Variants in CARS2 observed in about 807,000 individuals in gnomAD.
CARS2 encodes the protein probable cysteine--tRNA ligase, mitochondrial.
CARS2 carries 52 observed loss-of-function variants against 68.8 expected under a neutral mutation model. The observed-to-expected ratio is 0.76, with a 90% confidence interval of 0.61 to 0.95. The LOEUF is 0.95. CARS2 is among the 40% of genes least tolerant of loss of function. The pLI is 0.00. For synonymous variants in CARS2, 314 were observed against 303.6 expected (o/e 1.03, Z -0.36); for missense variants, 780 against 754.2 (o/e 1.03, Z -0.40).
chr13:110,705,982 G>C lies in CARS2; in HGVS notation c.112C>G (p.Arg38Gly). 1 of 1,507,476 alleles carries C rather than the reference G, an allele frequency of 6.6e-7. No homozygotes were observed. Among genetic ancestry groups the C allele is most frequent in the East Asian group, 2.7e-5 (1 of 37,654 alleles). The allele number at this position is 1,507,476 out of a possible 1,614,324, so 93.4% of individuals were successfully genotyped here. Residue 38 changes from arginine to glycine, a missense_variant, in exon 1 of 15, where the codon CGC (arginine) becomes GGC (glycine). Transcript: ENST00000257347. This position sits in a 1 kb window ranked among gnomAD's most constrained non-coding sequence, Gnocchi z 4.0. ...GTGGGCTGCAGCCAGGCCCGCCCGC[G>C]CCCCCCGCTCGCCGCCCGGCCCGCA... is the stretch of plus-strand genomic sequence containing the variant. ...WPAGRAASGG[R>G]GRAWLQPTGR... is the part of the protein sequence containing the mutation.
rs1010312039 is a variant in CARS2 at position 110,644,817 on chromosome 13, A to G, written c.1318-334T>C. 1.5e-5 allele frequency: 4 copies of G among 258,362 alleles called. No individual in the cohort carries two copies. The South Asian group carries it at 2.4e-4, about 16-fold the overall frequency. The allele number at this position is 258,362 out of a possible 1,614,324, so 16.0% of individuals were successfully genotyped here. ...GAGTGGGCACTGGGCTGGGTTTCTC[A>G]GAAAACGGGGAAATCCTGGTACGTG... On this transcript the variant is annotated intron_variant, in intron 12 of 14. Transcript: ENST00000257347.
intron 3 of CARS2, among the ~76,000 whole-genome samples, chr13:110,699,741 G>A (rs768076913): frequency 1.6e-4 from 25 of 152,374 alleles, no homozygotes; most frequent in Middle Eastern, 3.4e-3. Flanking sequence ...CATCAGAATG[G>A]CTTCTTTAGG....
chr13:110,711,950 C>T (rs569702742), intron 1 of CARS2, among the ~76,000 whole-genome samples: 4 of 152,320 alleles, frequency 2.6e-5, no homozygotes, highest in Non-Finnish European at 5.9e-5. Context: ...TTAAAAAATC[C>T]AAAGAGTTTT....
At chr13:110,701,359 C>T (rs762058511) in intron 3 of CARS2, 79 bp downstream of exon 3, 28 of 754,210 alleles carry the variant, frequency 3.7e-5, no homozygotes, top group Middle Eastern at 2.4e-4. Flanking sequence ...CTACCACGCC[C>T]GGCCAAGAAC....
chr13:110,700,113 C>T (rs7318291), intron 3 of CARS2, among the ~76,000 whole-genome samples: 40,454 of 152,138 alleles, frequency 0.27, 5,628 homozygotes, highest in Middle Eastern at 0.36. Flanking sequence ...ATGTGATCAC[C>T]TTAACCTCTT....
At chr13:110,663,339 GC>G in intron 9 of CARS2, 111 bp downstream of exon 9, 1 of 1,074,458 alleles carries the variant, frequency 9.3e-7, no homozygotes, top group Non-Finnish European at 1.3e-6. Flanking sequence ...TAAGAAAGGG[GC>G]CAGAGGGCAC....
At chr13:110,678,437 C>T (rs975078032) in intron 6 of CARS2, among the ~76,000 whole-genome samples, 1 of 152,126 alleles carries the variant, frequency 6.6e-6, no homozygotes, top group Non-Finnish European at 1.5e-5. Flanking sequence ...CCTTTCCACC[C>T]GGGAGCACTG....
chr13:110,672,149 A>C (rs1438689131), intron 7 of CARS2, among the ~76,000 whole-genome samples: 1 of 152,256 alleles, frequency 6.6e-6, no homozygotes, highest in Non-Finnish European at 1.5e-5. Flanking sequence ...AACATTAGAC[A>C]GATCAATGAG....
At position 110,686,694 on chromosome 13, in the gene CARS2, C is replaced by T. The variant is rs1199350829; in HGVS notation, c.571+1027G>A. Among the ~76,000 whole-genome samples, 4 of 150,474 alleles carry T rather than the reference C, an allele frequency of 2.7e-5. No individual in the cohort carries two copies. In the Admixed American group the frequency reaches 2.7e-4, roughly 10 times the overall value. ...GCCTCAGCCTCCAGAATAGCTGGGA[C>T]CACAGGCGCGCGATACCAGGCCTGG... On this transcript the variant is annotated intron_variant, in intron 5 of 14. Transcript: ENST00000257347.
At chr13:110,689,956 C>T (rs901934049) in intron 3 of CARS2, among the ~76,000 whole-genome samples, 8 of 152,210 alleles carry the variant, frequency 5.3e-5, no homozygotes, top group African/African-American at 1.9e-4. Flanking sequence ...TGGCCGGGCG[C>T]GGTGGCTCAC....
chr13:110,695,896 T>G (rs549700257), intron 3 of CARS2, among the ~76,000 whole-genome samples: 3 of 152,074 alleles, frequency 2.0e-5, no homozygotes, highest in Non-Finnish European at 4.4e-5. Flanking sequence ...TCATCTACAT[T>G]AGGTATTTCT....
intron 14 of CARS2, among the ~76,000 whole-genome samples, chr13:110,642,038 C>T (rs1887398909): frequency 6.6e-6 from 1 of 151,766 alleles, no homozygotes; most frequent in South Asian, 2.1e-4. Context: ...CCTGTCTCTA[C>T]TAAAAATAAA....
At chr13:110,689,700 C>T (rs1274034212) in intron 3 of CARS2, among the ~76,000 whole-genome samples, 1 of 152,134 alleles carries the variant, frequency 6.6e-6, no homozygotes, top group Non-Finnish European at 1.5e-5. Flanking sequence ...ACATAAATAT[C>T]ACATTAAAGA....
intron 2 of CARS2, among the ~76,000 whole-genome samples, chr13:110,702,227 A>G (rs1307192135): frequency 6.6e-6 from 1 of 152,216 alleles, no homozygotes; most frequent in Non-Finnish European, 1.5e-5. Flanking sequence ...GTTTTCTCTT[A>G]GGGTGGTGTG....
At chr13:110,646,992 G>A in intron 11 of CARS2, 109 bp downstream of exon 11, 2 of 1,331,830 alleles carry the variant, frequency 1.5e-6, no homozygotes, top group Admixed American at 2.6e-5. Context: ...CAAACCTCCT[G>A]TCCAGCGCCC....
rs773932062 is a variant in CARS2, at chr13:110,665,724, A to G, written c.919+1616T>C. 1 of 985,390 alleles carries G rather than the reference A, an allele frequency of 1.0e-6. No individual in the cohort carries two copies. The highest frequency in any genetic ancestry group is 1.2e-6 in the Non-Finnish European group (1 of 829,922). The allele number at this position is 985,390 out of a possible 1,614,324, so 61.0% of individuals were successfully genotyped here. A position where few individuals can be genotyped will look rare whatever the true frequency, so the allele number is the denominator to read the frequency against. ...AGACAGTTCAGGGAGCGCTGAACTG[A>G]GCCCTGAACGAAGTCAACGAGGAAG... On this transcript the variant is annotated intron_variant, in intron 8 of 14. Coordinates refer to ENST00000257347, the MANE Select transcript of CARS2 (RefSeq NM_024537.4). The surrounding 1 kb of genome is among the most constrained non-coding windows in gnomAD (Gnocchi z 4.3).
At position 110,653,851 on chromosome 13, in the gene CARS2, G is replaced by A. The variant is rs549449956; in HGVS notation, c.988-2751C>T. Among the ~76,000 whole-genome samples, 2 of 152,274 alleles carry A rather than the reference G, an allele frequency of 1.3e-5. No homozygotes were observed. The highest frequency in any genetic ancestry group is 2.1e-4 in the South Asian group (1 of 4,826). ...ACTCTTGAATACTGTGGGTGCACAC[G>A]GACATTAATTTTTTAGCGTGTTCCT... On this transcript the variant is annotated intron_variant, in intron 9 of 14. Transcript: ENST00000257347. This position sits in a 1 kb window ranked among gnomAD's most constrained non-coding sequence, Gnocchi z 5.6.
At chr13:110,687,527 A>G (rs1372171486) in intron 5 of CARS2, among the ~76,000 whole-genome samples, 194 bp downstream of exon 5, 7 of 151,500 alleles carry the variant, frequency 4.6e-5, no homozygotes, top group Admixed American at 1.3e-4. Context: ...AACAAAAAAA[A>G]TGTAGCCGGG....
intron 10 of CARS2, among the ~76,000 whole-genome samples, chr13:110,648,096 G>C (rs1259049149): frequency 6.6e-6 from 1 of 152,166 alleles, no homozygotes; most frequent in Non-Finnish European, 1.5e-5. Flanking sequence ...ATCAGACATG[G>C]CTTCAAGCTG....
Sources: allele counts gnomAD v4.1 joint callset (sites outside exome capture counted in the v4.1 genomes callset), GRCh38; gene constraint gnomAD v4.1.1; non-coding constraint Gnocchi (gnomAD v3.1); transcripts MANE v1.5; gene names NCBI Gene and HGNC (gene_info 2026-07-23, HGNC 2026-07-21).